Variants in ADGRL3 observed in about 807,000 individuals in gnomAD.
ADGRL3 encodes calcium-independent alpha-latrotoxin receptor 3.
In ADGRL3, 62 loss-of-function variants were observed where a neutral mutation model predicts 153.5. The ratio of observed to expected loss-of-function variants is 0.40; its 90% CI spans 0.33 to 0.50. The LOEUF (loss-of-function observed/expected upper bound fraction) is 0.50, where lower values mean the gene tolerates loss of function less well. Among genes scored for constraint, ADGRL3 ranks in the 20% least tolerant of loss-of-function variants. The pLI is 0.47. For synonymous variants in ADGRL3, 710 were observed against 672.5 expected (o/e 1.06, Z -0.86); for missense variants, 1,641 against 1,859.4 (o/e 0.88, Z 2.16).
At chr4:61,947,210 T>C in intron 16 of ADGRL3, 88 bp downstream of exon 16, 2 of 1,068,768 alleles carry the variant, frequency 1.9e-6, no homozygotes, top group Non-Finnish European at 1.4e-6. Context: ...TCTTTTAATG[T>C]TTTTTCTATT....
intron 7 of ADGRL3, 65 bp from the exon 8 acceptor site, chr4:61,732,689 T>G: frequency 1.1e-6 from 1 of 886,890 alleles, no homozygotes; most frequent in Non-Finnish European, 1.6e-6. Context: ...TGGTGAAAAA[T>G]AAGACTATAT....
At chr4:61,756,579 A>G (rs2096833957) in intron 8 of ADGRL3, among the ~76,000 whole-genome samples, 1 of 152,186 alleles carries the variant, frequency 6.6e-6, no homozygotes, top group South Asian at 2.1e-4. Context: ...GGACAATTTC[A>G]CTTCCTCTTT....
chr4:61,685,240 A>T (rs894944774), intron 6 of ADGRL3, among the ~76,000 whole-genome samples: 1 of 151,986 alleles, frequency 6.6e-6, no homozygotes, highest in Non-Finnish European at 1.5e-5. Flanking sequence ...TTTAATTCTC[A>T]AAAGCTAGTA....
At chr4:61,454,348 A>G (rs1047824995) in intron 2 of ADGRL3, among the ~76,000 whole-genome samples, 7 of 152,094 alleles carry the variant, frequency 4.6e-5, no homozygotes, top group Non-Finnish European at 1.0e-4. Flanking sequence ...CTTGTTTTTT[A>G]TTCCTACCTT....
At chr4:61,517,570 T>G in intron 4 of ADGRL3, 52 bp downstream of exon 4, 1 of 694,146 alleles carries the variant, frequency 1.4e-6, no homozygotes, top group African/African-American at 1.7e-5. Context: ...CAGGGGCTCC[T>G]GAGAGGCTCA....
chr4:61,996,343 A>G lies in ADGRL3; in HGVS notation c.3289A>G (p.Thr1097Ala). The G allele has an allele frequency of 6.2e-7, 1 of 1,611,432 alleles. No individual in the cohort carries two copies. The highest frequency in any genetic ancestry group is 8.5e-7 in the Non-Finnish European group (1 of 1,177,720). The change falls in exon 20 of 27, where the codon ACT (threonine) becomes GCT (alanine). Residue 1097 changes from threonine to alanine, a missense_variant. Physicochemically the swap from Thr to Ala is moderately conservative, Grantham distance 58. Around this residue, in one of 5 missense-constraint regions of ADGRL3, gnomAD observed 32 missense variants for 66.2 expected, o/e 0.48. Transcript: ENST00000683033. ...YFIWSFIGPATLIIMLNVIFL... is the reference protein window; with the variant it reads ...YFIWSFIGPAALIIMLNVIFL... ...CATTTGGAGTTTTATAGGACCAGCA[A>G]CTTTGATAATTATGGTAAGAATTCC...
intron 13 of ADGRL3, among the ~76,000 whole-genome samples, chr4:61,930,245 G>A (rs977423000): frequency 1.3e-4 from 19 of 151,786 alleles, no homozygotes; most frequent in African/African-American, 3.6e-4. Context: ...CTTCTATTGG[G>A]GTATTTATTT....
intron 9 of ADGRL3, among the ~76,000 whole-genome samples, chr4:61,834,110 C>A (rs547662586): frequency 2.0e-5 from 3 of 146,770 alleles, no homozygotes; most frequent in African/African-American, 5.1e-5. Flanking sequence ...CCCCCTCCCC[C>A]CTTCCCCCAC....
chr4:61,897,130 A>C (rs1329160182), intron 11 of ADGRL3, among the ~76,000 whole-genome samples: 2 of 152,156 alleles, frequency 1.3e-5, no homozygotes, highest in Admixed American at 1.3e-4. Context: ...TTCCTTTCAA[A>C]GACCAGACAG....
intron 5 of ADGRL3, among the ~76,000 whole-genome samples, chr4:61,588,702 G>A (rs1448759596): frequency 2.6e-5 from 4 of 151,864 alleles, no homozygotes; most frequent in Non-Finnish European, 5.9e-5. Flanking sequence ...CTCTATTATC[G>A]TTACGTATTT....
At chr4:61,512,141 G>T (rs75424131) in intron 3 of ADGRL3, among the ~76,000 whole-genome samples, 1 of 9,878 alleles carries the variant, frequency 1.0e-4, no homozygotes, top group East Asian at 0.029. Context: ...ATATATGTTG[G>T]CAGTGAAGTT....
In ADGRL3 at chr4:61,747,445, GC is replaced by G. The variant is rs571892859; in HGVS notation, c.1399+13892del. 5.2e-3 allele frequency among the ~76,000 whole-genome samples: 791 copies of G among 151,326 alleles called. 10 individuals carry two copies. Among genetic ancestry groups the G allele is most frequent in the African/African-American group, 0.018 (725 of 40,938 alleles). ...ACCAATATCTTTGATGAACATTGAT[GC>G]AAAAATCCTCAATAAAATACTGGCA... On this transcript the variant is annotated intron_variant, in intron 8 of 26. Coordinates refer to ENST00000683033, the MANE Select transcript of ADGRL3 (RefSeq NM_001387552.1).
chr4:61,478,408 A>G (rs1249327490), intron 2 of ADGRL3, among the ~76,000 whole-genome samples: 1 of 152,098 alleles, frequency 6.6e-6, no homozygotes, highest in South Asian at 2.1e-4. Context: ...AAAAAGAAAC[A>G]GACAGAGGTC....
intron 6 of ADGRL3, among the ~76,000 whole-genome samples, chr4:61,725,601 A>T (rs1445515664): frequency 1.7e-5 from 2 of 118,542 alleles, no homozygotes; most frequent in African/African-American, 3.2e-5. Context: ...TCTCAAAAAA[A>T]AAAAACCAAA....
intron 9 of ADGRL3, among the ~76,000 whole-genome samples, chr4:61,826,331 A>C (rs112598977): frequency 5.9e-5 from 9 of 152,170 alleles, no homozygotes; most frequent in African/African-American, 2.2e-4. Flanking sequence ...ATATTAACTA[A>C]TTTACTCACT....
intron 2 of ADGRL3, among the ~76,000 whole-genome samples, chr4:61,448,822 A>ATGAAGAAGGGAGGGAG: frequency 1.5e-5 from 1 of 67,252 alleles, no homozygotes; most frequent in Non-Finnish European, 3.0e-5. Context: ...GAAGGAAGGA[A>ATGAAGAAGGGAGGGAG]GGAAGAAGGG....
chr4:62,028,373 T>C (rs1193275227), intron 21 of ADGRL3, among the ~76,000 whole-genome samples: 1 of 151,792 alleles, frequency 6.6e-6, no homozygotes. Flanking sequence ...TGTTAAGATT[T>C]AACTCAGGTC....
At chr4:61,292,317 AT>A (rs1238695835) in intron 1 of ADGRL3, among the ~76,000 whole-genome samples, 1 of 152,116 alleles carries the variant, frequency 6.6e-6, no homozygotes, top group Non-Finnish European at 1.5e-5. Context: ...ATGGGAAAGT[AT>A]TCTAAATGTG....
chr4:62,009,737 C>G (rs2099175204), intron 21 of ADGRL3, among the ~76,000 whole-genome samples: 1 of 152,086 alleles, frequency 6.6e-6, no homozygotes, highest in Admixed American at 6.6e-5. Flanking sequence ...TTGAAACTAA[C>G]TCTCAGGATT....
Sources: gnomAD v4.1 joint callset for allele counts (sites outside exome capture counted in the v4.1 genomes callset) on GRCh38, gnomAD v4.1.1 for gene constraint, gnomAD v4.1.1 regional missense constraint, MANE v1.5 for transcripts, NCBI Gene and HGNC (gene_info 2026-07-23, HGNC 2026-07-21) for gene names.